The following TCERG1L variants were observed in gnomAD, a reference collection of about 807,000 sequenced individuals.
TCERG1L encodes the protein transcription elongation regulator 1-like protein.
Under a neutral mutation model 56.3 loss-of-function variants are expected in TCERG1L, and 37 were observed. The ratio of observed to expected loss-of-function variants is 0.66; its 90% CI spans 0.51 to 0.87. TCERG1L has a LOEUF of 0.87. Ranked by LOEUF, TCERG1L falls within the 40% of genes least tolerant of loss-of-function variation. TCERG1L has a pLI of 0.00. For missense variants in TCERG1L, 799 were observed against 774.2 expected (o/e 1.03, Z -0.38); for synonymous variants, 324 against 326.3 (o/e 0.99, Z 0.08).
At position 131,208,242 on chromosome 10, in the gene TCERG1L, A is replaced by T. The variant is rs1214029843; in HGVS notation, c.857-41357T>A. ...ATTCAACACCCCTCCTCCATGACGG[A>T]TGCCCAGGTTACGTCACTTGGAGGA... On this transcript the variant is annotated intron_variant, in intron 4 of 11. Coordinates refer to ENST00000368642, the MANE Select transcript of TCERG1L (RefSeq NM_174937.4). Among the ~76,000 whole-genome samples the T allele has an allele frequency of 2.0e-5, 3 of 152,228 alleles. No homozygotes were observed. The South Asian group carries it at 6.2e-4, about 32-fold the overall frequency.
At chr10:131,099,008 C>A in intron 10 of TCERG1L, among the ~76,000 whole-genome samples, 11 of 152,220 alleles carry the variant, frequency 7.2e-5, no homozygotes, top group Non-Finnish European at 1.3e-4. Flanking sequence ...TTGGGGAGGA[C>A]TCAGGGTGCA....
At chr10:131,238,679 G>A (rs1273920764) in intron 4 of TCERG1L, among the ~76,000 whole-genome samples, 7 of 152,170 alleles carry the variant, frequency 4.6e-5, no homozygotes, top group Non-Finnish European at 1.0e-4. Flanking sequence ...GTGCAGCCCT[G>A]GCAAAGATTG....
intron 4 of TCERG1L, among the ~76,000 whole-genome samples, chr10:131,183,098 C>T (rs542541096): frequency 2.0e-4 from 31 of 152,214 alleles, no homozygotes; most frequent in African/African-American, 4.6e-4. Context: ...AGGCCAGCCC[C>T]GAATACACAC....
At position 131,311,392 on chromosome 10, in the gene TCERG1L, C is replaced by T; in HGVS notation, c.244G>A (p.Ala82Thr). The T allele has an allele frequency of 1.7e-6, 2 of 1,187,736 alleles. No homozygotes were observed. The highest frequency in any genetic ancestry group is 2.1e-6 in the Non-Finnish European group (2 of 961,056). 73.6% of individuals were successfully genotyped at this position (1,187,736 alleles called of 1,614,324 possible). The change falls in exon 1 of 12, where the codon GCC becomes ACC. Residue 82 changes from alanine (A) to threonine (T), a missense_variant. By Grantham distance (58) the Ala-to-Thr change is moderately conservative. Coordinates refer to ENST00000368642, the MANE Select transcript of TCERG1L (RefSeq NM_174937.4). The surrounding 1 kb of genome is among the most constrained non-coding windows in gnomAD (Gnocchi z 4.0). ...PLLPGLPGWP[A>T]PSEPVLPLLP... is the part of the protein sequence containing the mutation. ...AGCGGGAGCACCGGCTCGCTCGGGG[C>T]CGGCCAGCCGGGGAGACCGGGGAGC...
At chr10:131,169,844 T>A (rs886915495) in intron 4 of TCERG1L, among the ~76,000 whole-genome samples, 4 of 152,192 alleles carry the variant, frequency 2.6e-5, no homozygotes, top group African/African-American at 9.6e-5. Flanking sequence ...CGTAAGCCCA[T>A]AATACTGTTC....
At chr10:131,290,643 A>C (rs939336245) in intron 3 of TCERG1L, among the ~76,000 whole-genome samples, 3 of 151,980 alleles carry the variant, frequency 2.0e-5, no homozygotes, top group African/African-American at 7.3e-5. Flanking sequence ...AAAAAAAAAA[A>C]AAAAAAAAAC....
At chr10:131,161,058 G>C (rs900043033) in intron 6 of TCERG1L, 1 of 152,214 alleles carries the variant, frequency 6.6e-6, no homozygotes, top group Admixed American at 6.5e-5. Flanking sequence ...CAACCAGTTC[G>C]TGGCATCGTA....
At chr10:131,170,798 A>G (rs1229818838) in intron 4 of TCERG1L, among the ~76,000 whole-genome samples, 1 of 152,160 alleles carries the variant, frequency 6.6e-6, no homozygotes, top group Admixed American at 6.5e-5. Flanking sequence ...ATCCAGGGGA[A>G]AAGTATTCAA....
Position 131,311,266 on chromosome 10 carries a change from G to C in TCERG1L, c.342+28C>G. The C allele has an allele frequency of 1.7e-6, 2 of 1,200,050 alleles. No homozygotes were observed. The highest frequency in any genetic ancestry group is 3.5e-5 in the East Asian group (1 of 28,674). The allele number at this position is 1,200,050 out of a possible 1,614,324, so 74.3% of individuals were successfully genotyped here. On this transcript the variant is annotated intron_variant, in intron 1 of 11. Transcript: ENST00000368642. This position sits in a 1 kb window ranked among gnomAD's most constrained non-coding sequence, Gnocchi z 4.0. The stretch of plus-strand genomic sequence containing the variant: ...CCAGGAGCAGGGGAGACGGCGACCC[G>C]GGCCGAGGCGGGACGGGGACACGTT...
chr10:131,250,000 C>T (rs578002374), intron 4 of TCERG1L, among the ~76,000 whole-genome samples: 2 of 152,362 alleles, frequency 1.3e-5, no homozygotes, highest in African/African-American at 2.4e-5. Context: ...CAAGAGCAAA[C>T]ACTGTTCGGG....
Position 131,260,348 on chromosome 10 carries a change from A to G in TCERG1L, c.767T>C (p.Leu256Pro). 6.7e-7 allele frequency: 1 copy of G among 1,483,886 alleles called. No homozygotes were observed. Among genetic ancestry groups the G allele is most frequent in the Non-Finnish European group, 8.9e-7 (1 of 1,125,298 alleles). 91.9% of individuals were successfully genotyped at this position (1,483,886 alleles called of 1,614,324 possible). The change falls in exon 4 of 12, where the codon CTC becomes CCC. Residue 256 changes from leucine to proline, a missense_variant. By Grantham distance (98) the Leu-to-Pro change is moderately conservative. Coordinates refer to ENST00000368642, the MANE Select transcript of TCERG1L (RefSeq NM_174937.4). This position sits in a 1 kb window ranked among gnomAD's most constrained non-coding sequence, Gnocchi z 5.8. ...CACGCTGGAGGGGGACGGGCCCCGG[A>G]GGTTCTCAGGGTCCACGGAGACCAT... ...AAMVSVDPENLRGPSPSSVQP... is the reference protein window; with the variant it reads ...AAMVSVDPENPRGPSPSSVQP...
chr10:131,278,234 A>C (rs1421828127), intron 3 of TCERG1L, among the ~76,000 whole-genome samples: 1 of 151,710 alleles, frequency 6.6e-6, no homozygotes, highest in Non-Finnish European at 1.5e-5. Flanking sequence ...CGGTTTCCTC[A>C]CCTGTAAAAT....
chr10:131,293,712 G>T (rs527496418), intron 3 of TCERG1L, among the ~76,000 whole-genome samples: 2 of 152,248 alleles, frequency 1.3e-5, no homozygotes, highest in South Asian at 2.1e-4. Context: ...CCCCTCTCAG[G>T]TTTATTTTCT....
chr10:131,278,329 T>G (rs1454997489), intron 3 of TCERG1L, among the ~76,000 whole-genome samples: 1 of 150,858 alleles, frequency 6.6e-6, no homozygotes, highest in Non-Finnish European at 1.5e-5. Context: ...ACATCGTCTT[T>G]TCTTTTTTCT....
chr10:131,129,147 A>G (rs995851428), intron 8 of TCERG1L, among the ~76,000 whole-genome samples: 1 of 152,196 alleles, frequency 6.6e-6, no homozygotes, highest in Non-Finnish European at 1.5e-5. Flanking sequence ...CTTAGGAGAG[A>G]GAAGCAGAGG....
At chr10:131,146,737 GAAAA>G in intron 6 of TCERG1L, 77 bp from the exon 7 acceptor site, 1 of 1,467,142 alleles carries the variant, frequency 6.8e-7, no homozygotes, top group Non-Finnish European at 9.1e-7. Context: ...AACTCTCACT[GAAAA>G]AGCCCCTCAG....
intron 10 of TCERG1L, among the ~76,000 whole-genome samples, chr10:131,099,629 G>T (rs2133379299): frequency 6.6e-6 from 1 of 152,240 alleles, no homozygotes; most frequent in East Asian, 1.9e-4. Flanking sequence ...GGGTGGGCAG[G>T]TGAAAGCCTC....
chr10:131,188,875 C>T (rs772650859), intron 4 of TCERG1L, among the ~76,000 whole-genome samples: 25 of 152,272 alleles, frequency 1.6e-4, no homozygotes, highest in East Asian at 9.6e-4. Flanking sequence ...CTTTCTTATG[C>T]GAGTTTCCTT....
chr10:131,093,114 C>T lies in TCERG1L; in HGVS notation c.*48G>A, dbSNP rs200076007. On this transcript the variant is annotated 3_prime_UTR_variant, in exon 12 of 12. Coordinates refer to ENST00000368642, the MANE Select transcript of TCERG1L (RefSeq NM_174937.4). The stretch of plus-strand genomic sequence containing the variant: ...GTCTCCACCGTGACCCCCTCGCCCC[C>T]GGCACGCCCAGGGTCAACCCCCGGG... 5.2e-4 allele frequency: 826 copies of T among 1,590,600 alleles called. No homozygotes were observed. Among genetic ancestry groups the T allele is most frequent in the Non-Finnish European group, 6.4e-4 (748 of 1,168,044 alleles).
Sources: allele counts gnomAD v4.1 joint callset (sites outside exome capture counted in the v4.1 genomes callset), GRCh38; gene constraint gnomAD v4.1.1; non-coding constraint Gnocchi (gnomAD v3.1); transcripts MANE v1.5; gene names NCBI Gene and HGNC (gene_info 2026-07-23, HGNC 2026-07-21).